CRISP1: variants seen among roughly 807,000 people sequenced by gnomAD.
CRISP1 encodes the protein cysteine rich secretory protein 1.
Under a neutral mutation model 33.1 loss-of-function variants are expected in CRISP1, and 44 were observed. The ratio of observed to expected loss-of-function variants is 1.33; its 90% CI spans 1.05 to 1.71. The LOEUF (loss-of-function observed/expected upper bound fraction) is 1.71, where lower values mean the gene tolerates loss of function less well. Among genes scored for constraint, CRISP1 ranks in the 40% most tolerant of loss-of-function variants. The pLI, the probability that CRISP1 is intolerant of heterozygous loss-of-function variation, is 0.00. For synonymous variants in CRISP1, 103 were observed against 98.7 expected, an observed-to-expected ratio of 1.04 and a Z score of -0.26; for missense variants, 390 against 301.2, an observed-to-expected ratio of 1.29 and a Z score of -2.18.
In CRISP1 at chr6:49,834,289, GAGT is replaced by G. The variant is rs1304425972; in HGVS notation, c.*1024_*1026del. The G allele has an allele frequency of 6.7e-6, 1 of 150,316 alleles. No individual in the cohort carries two copies. Among genetic ancestry groups the G allele is most frequent in the African/African-American group, 2.4e-5 (1 of 40,910 alleles). The allele number at this position is 150,316 out of a possible 1,614,324, so 9.3% of individuals were successfully genotyped here. On this transcript the variant is annotated 3_prime_UTR_variant, in exon 8 of 8. Coordinates refer to ENST00000335847, the MANE Select transcript of CRISP1 (RefSeq NM_001131.3). ...TTTTTTTCAAACACTTTATTGAAAT[GAGT>G]AAAGAAATATACAAGTAGGTAGAAC... is the stretch of plus-strand genomic sequence containing the variant.
chr6:49,842,064 C>G (rs1266993186), intron 5 of CRISP1, among the ~76,000 whole-genome samples: 11 of 152,168 alleles, frequency 7.2e-5, no homozygotes, highest in Admixed American at 7.2e-4. Flanking sequence ...TTGTATGACT[C>G]TTTTAGATAA....
chr6:49,848,093 T>A (rs1433460721), intron 4 of CRISP1, 116 bp downstream of exon 4: 1 of 576,378 alleles, frequency 1.7e-6, no homozygotes, highest in Non-Finnish European at 3.0e-6. Flanking sequence ...TATGACCCAG[T>A]GCAAATGAGG....
intron 1 of CRISP1, among the ~76,000 whole-genome samples, chr6:49,860,052 A>T (rs1409131176): frequency 1.3e-5 from 2 of 152,142 alleles, no homozygotes; most frequent in Non-Finnish European, 2.9e-5. Flanking sequence ...TGAAAAAGGG[A>T]TCAATTCAGC....
intron 5 of CRISP1, among the ~76,000 whole-genome samples, chr6:49,841,446 G>A (rs1770985161): frequency 6.6e-6 from 1 of 152,110 alleles, no homozygotes; most frequent in African/African-American, 2.4e-5. Context: ...CTTGAGTGTT[G>A]CCTTTCTGTA....
chr6:49,870,444 A>G (rs543965677), upstream of CRISP1, among the ~76,000 whole-genome samples: 163 of 152,278 alleles, frequency 1.1e-3, 3 homozygotes, highest in African/African-American at 3.9e-3. Context: ...TAGGTTGGAA[A>G]GTGAGGGAGC....
intron 5 of CRISP1, among the ~76,000 whole-genome samples, chr6:49,841,683 T>G (rs1238268509): frequency 2.0e-5 from 3 of 152,166 alleles, no homozygotes; most frequent in Non-Finnish European, 4.4e-5. Flanking sequence ...AAATCAAAGC[T>G]TGGAAGAAAC....
intron 2 of CRISP1, among the ~76,000 whole-genome samples, chr6:49,854,926 A>T (rs1466005028): frequency 2.0e-5 from 3 of 152,176 alleles, no homozygotes; most frequent in Non-Finnish European, 4.4e-5. Flanking sequence ...TCCCATACAA[A>T]ATGGCAATAA....
chr6:49,873,611 A>G lies in CRISP1; in HGVS notation c.-3+3398T>C, dbSNP rs548825505. 3.3e-5 allele frequency among the ~76,000 whole-genome samples: 5 copies of G among 152,236 alleles called. No individual in the cohort carries two copies. In the South Asian group the frequency reaches 1.0e-3, roughly 32 times the overall value. On this transcript the variant is annotated intron_variant, in intron 1 of 7. Transcript: ENST00000505118. ...AATGAAGTTTTCATTATTCATCAAC[A>G]AAATGGATCAAAAGGAACAGAGTTA...
chr6:49,850,026 C>T (rs1771302167), intron 3 of CRISP1, among the ~76,000 whole-genome samples: 3 of 142,180 alleles, frequency 2.1e-5, no homozygotes, highest in South Asian at 4.4e-4. Flanking sequence ...CATATTCTCA[C>T]TCATAGGTGG....
chr6:49,865,886 TA>T (rs1486990817), intron 1 of CRISP1, among the ~76,000 whole-genome samples: 1 of 152,166 alleles, frequency 6.6e-6, no homozygotes, highest in Non-Finnish European at 1.5e-5. Context: ...GGCCCATCAC[TA>T]GTTCTCAATT....
intron 2 of CRISP1, among the ~76,000 whole-genome samples, chr6:49,856,303 A>T (rs1452148010): frequency 2.6e-5 from 4 of 152,204 alleles, no homozygotes; most frequent in South Asian, 4.2e-4. Flanking sequence ...CCCTTTTCCC[A>T]TTCCTCTGGA....
chr6:49,869,862 A>T (rs1223897709), upstream of CRISP1, among the ~76,000 whole-genome samples: 1 of 152,154 alleles, frequency 6.6e-6, no homozygotes, highest in East Asian at 1.9e-4. Context: ...CATTCCCTTC[A>T]ATCTCGTTTA....
At chr6:49,858,757 T>C (rs985144831) in intron 1 of CRISP1, among the ~76,000 whole-genome samples, 6 of 152,070 alleles carry the variant, frequency 3.9e-5, no homozygotes, top group Non-Finnish European at 5.9e-5. Flanking sequence ...AAGCAGATAA[T>C]ATTAACCCTG....
chr6:49,869,902 C>A (rs747985229), upstream of CRISP1, among the ~76,000 whole-genome samples: 14 of 152,060 alleles, frequency 9.2e-5, no homozygotes, highest in Non-Finnish European at 1.9e-4. Context: ...GGTACTAAAC[C>A]CAAACAAGGT....
chr6:49,855,648 T>C (rs1771473846), intron 2 of CRISP1, among the ~76,000 whole-genome samples: 1 of 152,130 alleles, frequency 6.6e-6, no homozygotes, highest in South Asian at 2.1e-4. Context: ...CTCTCTATAG[T>C]TTTCCTCAAA....
intron 3 of CRISP1, among the ~76,000 whole-genome samples, chr6:49,849,891 T>C (rs576320840): frequency 6.0e-4 from 90 of 150,998 alleles, no homozygotes; most frequent in South Asian, 1.3e-3. Context: ...CAAAAAAAAA[T>C]ATTTTAGTCA....
At chr6:49,849,261 G>A (rs1771276607) in intron 3 of CRISP1, among the ~76,000 whole-genome samples, 1 of 152,128 alleles carries the variant, frequency 6.6e-6, no homozygotes, top group Non-Finnish European at 1.5e-5. Flanking sequence ...TGTCTTATCT[G>A]AGTTCCTTTG....
intron 5 of CRISP1, among the ~76,000 whole-genome samples, chr6:49,844,481 G>C (rs1771094115): frequency 6.6e-6 from 1 of 152,114 alleles, no homozygotes; most frequent in Non-Finnish European, 1.5e-5. Flanking sequence ...GCTGCTTCCT[G>C]CTTAGCTTCA....
At chr6:49,835,673 T>G (rs1480717501) in intron 7 of CRISP1, among the ~76,000 whole-genome samples, 1 of 152,228 alleles carries the variant, frequency 6.6e-6, no homozygotes, top group African/African-American at 2.4e-5. Flanking sequence ...TATCACAATT[T>G]TTTAAGTCCA....
Sources: allele counts gnomAD v4.1 joint callset (sites outside exome capture counted in the v4.1 genomes callset), GRCh38; gene constraint gnomAD v4.1.1; transcripts MANE v1.5; gene names NCBI Gene and HGNC (gene_info 2026-07-23, HGNC 2026-07-21).